Variants in FAM200C observed in about 807,000 individuals in gnomAD.
chr5:160,397,931 T>C, the FAM200C span, among the ~76,000 whole-genome samples: 1 of 152,226 alleles, frequency 6.6e-6, no homozygotes, highest in Non-Finnish European at 1.5e-5. Context: ...GAAAATGTTT[T>C]TAGTCACATT....
chr5:160,395,160 C>A, the FAM200C span: 66 of 1,613,772 alleles, frequency 4.1e-5, no homozygotes, highest in Non-Finnish European at 5.2e-5. Flanking sequence ...TTTTCAGCTA[C>A]TGTATGAGGA....
chr5:160,394,341 A>C, the FAM200C span: 2 of 1,613,992 alleles, frequency 1.2e-6, no homozygotes, highest in South Asian at 2.2e-5. Context: ...AGTTCATTTA[A>C]GTGTTTGAAT....
chr5:160,394,731 CG>C, the FAM200C span: 1 of 1,614,122 alleles, frequency 6.2e-7, no homozygotes, highest in Non-Finnish European at 8.5e-7. Context: ...GCAACAAACT[CG>C]GAATTTTCTC....
At chr5:160,394,612 A>G in the FAM200C span, 2 of 1,614,058 alleles carry the variant, frequency 1.2e-6, no homozygotes, top group Admixed American at 1.7e-5. Flanking sequence ...CCCTCACCAC[A>G]GTAAACAGAG....
At chr5:160,394,835 A>G in the FAM200C span, 3 of 1,613,678 alleles carry the variant, frequency 1.9e-6, no homozygotes, top group Non-Finnish European at 2.5e-6. Context: ...GAGATTGAAC[A>G]CATCTATTCC....
the FAM200C span, among the ~76,000 whole-genome samples, chr5:160,396,367 CT>C: frequency 1.3e-5 from 2 of 152,152 alleles, no homozygotes; most frequent in African/African-American, 4.8e-5. Flanking sequence ...TAAGCCACCC[CT>C]GATGCAAAGG....
the FAM200C span, chr5:160,394,626 C>T: frequency 6.2e-7 from 1 of 1,613,886 alleles, no homozygotes; most frequent in Non-Finnish European, 8.5e-7. Flanking sequence ...AACAGAGCAT[C>T]CCTCAGTTTT....
At chr5:160,395,311 C>G in the FAM200C span, 1 of 1,614,036 alleles carries the variant, frequency 6.2e-7, no homozygotes, top group East Asian at 2.2e-5. Context: ...TGAGATCATG[C>G]CCAGCTACAC....
chr5:160,394,919 A>C, the FAM200C span: 1 of 1,613,222 alleles, frequency 6.2e-7, no homozygotes, highest in Non-Finnish European at 8.5e-7. Flanking sequence ...ATAGCGCACA[A>C]ATGCCATTAG....
the FAM200C span, chr5:160,399,831 T>A: frequency 2.6e-5 from 4 of 151,076 alleles, no homozygotes; most frequent in South Asian, 2.1e-4. Flanking sequence ...TCTCCAAGCC[T>A]GAGGCGCAGG....
chr5:160,394,366 T>C, the FAM200C span: 4 of 1,613,754 alleles, frequency 2.5e-6, no homozygotes, highest in Non-Finnish European at 3.4e-6. Flanking sequence ...CTGCAAGGTA[T>C]GCTAGGTGAA....
the FAM200C span, chr5:160,394,123 GT>G: frequency 6.2e-7 from 1 of 1,613,672 alleles, no homozygotes; most frequent in African/African-American, 1.3e-5. Flanking sequence ...CATGGAAGAA[GT>G]TGCTCAATTG....
chr5:160,394,526 T>C, the FAM200C span: 4 of 1,614,038 alleles, frequency 2.5e-6, no homozygotes, highest in African/African-American at 5.3e-5. Flanking sequence ...GAGGACACTA[T>C]ATTCTATGCC....
At chr5:160,393,933 G>C in the FAM200C span, 1 of 1,613,928 alleles carries the variant, frequency 6.2e-7, no homozygotes, top group Non-Finnish European at 8.5e-7. Flanking sequence ...GCTGTGAATT[G>C]GGCACACCAG....
At chr5:160,396,697 G>GAA in the FAM200C span, among the ~76,000 whole-genome samples, 6 of 49,234 alleles carry the variant, frequency 1.2e-4, no homozygotes, top group African/African-American at 1.4e-4. Context: ...AAGTCTCTGT[G>GAA]GAAAAAAAAA....
the FAM200C span, chr5:160,399,606 C>T: frequency 6.6e-6 from 1 of 152,210 alleles, no homozygotes; most frequent in Non-Finnish European, 1.5e-5. Flanking sequence ...CTTTCCAAGC[C>T]TCAGTTCCTC....
the FAM200C span, chr5:160,393,693 A>G: frequency 1.3e-6 from 2 of 1,500,944 alleles, no homozygotes; most frequent in South Asian, 2.5e-5. Context: ...ATTCATTAAA[A>G]AAGTATATCA....
At chr5:160,394,096 T>G in the FAM200C span, 3 of 1,613,408 alleles carry the variant, frequency 1.9e-6, no homozygotes, top group Non-Finnish European at 2.5e-6. Context: ...CATTAAGATC[T>G]CCAATGGAAA....
the FAM200C span, chr5:160,395,079 G>T: frequency 5.0e-6 from 8 of 1,613,884 alleles, no homozygotes; most frequent in Non-Finnish European, 6.8e-6. Context: ...AAGGGTACCT[G>T]CTGAAGCTTT....
Sources: allele counts gnomAD v4.1 joint callset (sites outside exome capture counted in the v4.1 genomes callset), GRCh38; gene constraint gnomAD v4.1.1; transcripts MANE v1.5.